The following KCNAB1 variants were observed in gnomAD, a reference collection of about 807,000 sequenced individuals.
KCNAB1 encodes the protein potassium voltage-gated channel subfamily A regulatory beta subunit 1, also known as voltage-gated potassium channel subunit beta-1.
In KCNAB1, 35 loss-of-function variants were observed where a neutral mutation model predicts 64.6. That is an observed-to-expected ratio of 0.54 (90% confidence interval 0.41 to 0.72). The LOEUF (loss-of-function observed/expected upper bound fraction) is 0.72, where lower values mean the gene tolerates loss of function less well. Ranked by LOEUF, KCNAB1 falls within the 30% of genes least tolerant of loss-of-function variation. The probability of loss-of-function intolerance (pLI) is 0.00; values close to 1 mark genes in which losing one functional copy is unlikely to be tolerated. For synonymous variants in KCNAB1, 177 were observed against 183.8 expected, an observed-to-expected ratio of 0.96 and a Z score of 0.30; for missense variants, 401 against 512.9, an observed-to-expected ratio of 0.78 and a Z score of 2.11.
intron 1 of KCNAB1, among the ~76,000 whole-genome samples, chr3:156,211,699 G>A: frequency 6.6e-6 from 1 of 152,202 alleles, no homozygotes; most frequent in Non-Finnish European, 1.5e-5. Context: ...ATGGCCAAGA[G>A]ACTGGCTTAC....
chr3:156,498,881 CAG>C (rs1439243182), intron 8 of KCNAB1, among the ~76,000 whole-genome samples: 2 of 152,184 alleles, frequency 1.3e-5, no homozygotes, highest in Admixed American at 1.3e-4. Context: ...AGAATTGTAA[CAG>C]GGGATAAGCA....
intron 1 of KCNAB1, among the ~76,000 whole-genome samples, chr3:156,150,214 G>A (rs1715321219): frequency 6.6e-6 from 1 of 152,112 alleles, no homozygotes; most frequent in Non-Finnish European, 1.5e-5. Flanking sequence ...GTAGTGAAAG[G>A]GGCTTATTCA....
chr3:156,308,802 G>A (rs987688160), intron 1 of KCNAB1, among the ~76,000 whole-genome samples: 1 of 152,154 alleles, frequency 6.6e-6, no homozygotes, highest in African/African-American at 2.4e-5. Context: ...ATGTTAGAAA[G>A]CATCAGGAGT....
At chr3:156,127,560 G>C (rs1488117047) in intron 1 of KCNAB1, among the ~76,000 whole-genome samples, 1 of 152,208 alleles carries the variant, frequency 6.6e-6, no homozygotes, top group Non-Finnish European at 1.5e-5. Flanking sequence ...AGGAGTGGGA[G>C]AGTGAACCTC....
At chr3:156,498,014 G>C (rs1355657388) in intron 8 of KCNAB1, among the ~76,000 whole-genome samples, 1 of 152,166 alleles carries the variant, frequency 6.6e-6, no homozygotes, top group African/African-American at 2.4e-5. Flanking sequence ...AGAAGGATAA[G>C]ATGTCAGTTT....
chr3:156,412,817 TGGATTTGCTGGCTCTTCA>T (rs1247801605), intron 1 of KCNAB1, among the ~76,000 whole-genome samples: 1 of 152,160 alleles, frequency 6.6e-6, no homozygotes, highest in South Asian at 2.1e-4. Flanking sequence ...CTGGCTCTTC[TGGATTTGCTGGCTCTTCA>T]GGATTTGCTG....
chr3:156,292,009 C>A (rs150626308), intron 1 of KCNAB1: 1 of 1,614,004 alleles, frequency 6.2e-7, no homozygotes, highest in African/African-American at 1.3e-5. Context: ...ATGTGGTGAA[C>A]GCAGCCCGGG....
At chr3:156,378,837 G>A (rs73017930) in intron 1 of KCNAB1, among the ~76,000 whole-genome samples, 7,114 of 152,158 alleles carry the variant, frequency 0.047, 554 homozygotes, top group African/African-American at 0.16. Flanking sequence ...GAGCCAAGCT[G>A]GACTCAACAG....
chr3:156,147,568 G>T (rs756366568), intron 1 of KCNAB1, among the ~76,000 whole-genome samples: 2 of 151,908 alleles, frequency 1.3e-5, no homozygotes, highest in African/African-American at 4.8e-5. Context: ...GAATGACAGG[G>T]CTTCTCCAGG....
At chr3:156,374,135 T>G (rs1396429279) in intron 1 of KCNAB1, among the ~76,000 whole-genome samples, 2 of 152,214 alleles carry the variant, frequency 1.3e-5, no homozygotes, top group African/African-American at 4.8e-5. Context: ...AGATCTTACA[T>G]GTCCTCTACT....
intron 1 of KCNAB1, among the ~76,000 whole-genome samples, chr3:156,356,088 C>T (rs1434114023): frequency 7.0e-6 from 1 of 143,580 alleles, no homozygotes; most frequent in Admixed American, 7.1e-5. Context: ...TGCCACTGCA[C>T]TCATGCCTGA....
intron 1 of KCNAB1, among the ~76,000 whole-genome samples, chr3:156,277,434 T>TA (rs1176675302): frequency 6.6e-6 from 1 of 152,178 alleles, no homozygotes; most frequent in Non-Finnish European, 1.5e-5. Context: ...TTTCAGTTTA[T>TA]AAAAAATGCA....
chr3:156,262,816 T>C (rs1467466853), intron 1 of KCNAB1, among the ~76,000 whole-genome samples: 1 of 151,936 alleles, frequency 6.6e-6, no homozygotes, highest in Non-Finnish European at 1.5e-5. Flanking sequence ...TGTGGAAATA[T>C]TTAAAATTAA....
intron 1 of KCNAB1, among the ~76,000 whole-genome samples, chr3:156,198,100 G>C (rs1576597305): frequency 6.6e-6 from 1 of 152,208 alleles, no homozygotes; most frequent in Non-Finnish European, 1.5e-5. Context: ...GCATGGTTTT[G>C]AGTGATTTTC....
At chr3:156,267,654 G>T (rs192588808) in intron 1 of KCNAB1, among the ~76,000 whole-genome samples, 1 of 152,180 alleles carries the variant, frequency 6.6e-6, no homozygotes, top group African/African-American at 2.4e-5. Context: ...CATTGAAGCC[G>T]CTCTATCTGC....
intron 1 of KCNAB1, among the ~76,000 whole-genome samples, chr3:156,196,458 A>G (rs570464654): frequency 6.6e-6 from 1 of 152,008 alleles, no homozygotes; most frequent in South Asian, 2.1e-4. Context: ...ATGTTTTTCC[A>G]TTTGTTTGTG....
At chr3:156,371,526 C>A (rs1395531166) in intron 1 of KCNAB1, among the ~76,000 whole-genome samples, 1 of 152,154 alleles carries the variant, frequency 6.6e-6, no homozygotes, top group Non-Finnish European at 1.5e-5. Context: ...CTTCCTGAGA[C>A]ATGATTCTAT....
intron 1 of KCNAB1, among the ~76,000 whole-genome samples, chr3:156,140,219 T>G (rs1714627763): frequency 6.6e-6 from 1 of 152,244 alleles, no homozygotes; most frequent in South Asian, 2.1e-4. Context: ...TATTGCATTT[T>G]TTACAGACTA....
intron 1 of KCNAB1, among the ~76,000 whole-genome samples, chr3:156,406,201 A>T (rs1378968047): frequency 6.6e-6 from 1 of 152,214 alleles, no homozygotes; most frequent in Non-Finnish European, 1.5e-5. Flanking sequence ...TGAATACAAG[A>T]CTGTAGAGGA....
Sources: gnomAD v4.1 joint callset for allele counts (sites outside exome capture counted in the v4.1 genomes callset) on GRCh38, gnomAD v4.1.1 for gene constraint, MANE v1.5 for transcripts, NCBI Gene and HGNC (gene_info 2026-07-23, HGNC 2026-07-21) for gene names.